The following XXYLT1 variants were observed in gnomAD, a reference collection of about 807,000 sequenced individuals.
The protein encoded by XXYLT1 is xyloside xylosyltransferase 1.
Under a neutral mutation model 28.9 loss-of-function variants are expected in XXYLT1, and 20 were observed. The ratio of observed to expected loss-of-function variants is 0.69; its 90% CI spans 0.49 to 1.00. The LOEUF (loss-of-function observed/expected upper bound fraction) is 1.00, where lower values mean the gene tolerates loss of function less well. Among genes scored for constraint, XXYLT1 ranks in the 50% least tolerant of loss-of-function variants. The pLI is 0.00. For missense variants in XXYLT1, 542 were observed against 560.1 expected, an observed-to-expected ratio of 0.97 and a Z score of 0.33; for synonymous variants, 257 against 253.8, an observed-to-expected ratio of 1.01 and a Z score of -0.12.
intron 3 of XXYLT1, among the ~76,000 whole-genome samples, chr3:195,086,247 T>G (rs1715721734): frequency 2.0e-5 from 3 of 152,224 alleles, no homozygotes; most frequent in African/African-American, 7.2e-5. Context: ...CAAAACAATC[T>G]GTCCTTCTGA....
intron 3 of XXYLT1, among the ~76,000 whole-genome samples, chr3:195,084,944 AGAAGCT>A (rs1188429045): frequency 6.6e-6 from 1 of 152,200 alleles, no homozygotes; most frequent in Non-Finnish European, 1.5e-5. Context: ...TGCCAGTTGC[AGAAGCT>A]GAGGGTAGGA....
chr3:195,164,337 G>T (rs917739034), intron 2 of XXYLT1, among the ~76,000 whole-genome samples: 3 of 152,174 alleles, frequency 2.0e-5, no homozygotes, highest in African/African-American at 7.2e-5. Flanking sequence ...CTGTGTTTCC[G>T]CATGGACTCT....
At chr3:195,246,780 G>A (rs370533895) in intron 1 of XXYLT1, among the ~76,000 whole-genome samples, 2 of 152,154 alleles carry the variant, frequency 1.3e-5, no homozygotes, top group African/African-American at 2.4e-5. Flanking sequence ...TCCAGACACC[G>A]TGACACAGGC....
intron 2 of XXYLT1, among the ~76,000 whole-genome samples, chr3:195,177,317 A>T (rs951797773): frequency 6.6e-6 from 1 of 152,212 alleles, no homozygotes; most frequent in Non-Finnish European, 1.5e-5. Flanking sequence ...CCAGAACAGG[A>T]TCTGAAGGAG....
intron 2 of XXYLT1, among the ~76,000 whole-genome samples, chr3:195,222,799 G>T (rs1053425260): frequency 6.6e-6 from 1 of 152,032 alleles, no homozygotes; most frequent in Non-Finnish European, 1.5e-5. Context: ...TTTCATGGGG[G>T]TTGAAATGAA....
chr3:195,201,015 C>T (rs76653555), intron 2 of XXYLT1, among the ~76,000 whole-genome samples: 1 of 152,104 alleles, frequency 6.6e-6, no homozygotes, highest in African/African-American at 2.4e-5. Context: ...CCTACGGAGT[C>T]AAAAATCTCT....
At chr3:195,181,071 G>A (rs926982863) in intron 2 of XXYLT1, among the ~76,000 whole-genome samples, 6 of 152,198 alleles carry the variant, frequency 3.9e-5, no homozygotes, top group African/African-American at 1.4e-4. Flanking sequence ...CCTGCGGCCA[G>A]GTGTGTAGCA....
chr3:195,247,393 CA>C (rs1725071142), intron 1 of XXYLT1, among the ~76,000 whole-genome samples: 1 of 152,252 alleles, frequency 6.6e-6, no homozygotes, highest in Non-Finnish European at 1.5e-5. Context: ...AAGAACACTG[CA>C]GTTTTACCAT....
intron 3 of XXYLT1, among the ~76,000 whole-genome samples, chr3:195,137,420 A>G (rs1236900700): frequency 1.3e-5 from 2 of 152,170 alleles, no homozygotes; most frequent in African/African-American, 4.8e-5. Context: ...CTTCTGCACC[A>G]TGGATAAGAG....
chr3:195,108,685 G>A (rs1209617284), intron 3 of XXYLT1, among the ~76,000 whole-genome samples: 1 of 152,188 alleles, frequency 6.6e-6, no homozygotes, highest in Non-Finnish European at 1.5e-5. Flanking sequence ...TTACTATACT[G>A]AATACTGTAG....
chr3:195,235,118 T>G (rs76248144), intron 1 of XXYLT1, among the ~76,000 whole-genome samples: 5,794 of 152,220 alleles, frequency 0.038, 158 homozygotes, highest in East Asian at 0.1. Flanking sequence ...CTTGCTTTCT[T>G]TTTTTGAGAC....
Position 195,074,909 on chromosome 3 carries a change from A to G in XXYLT1, c.786-4798T>C, listed in dbSNP as rs968045984. 2.0e-5 allele frequency among the ~76,000 whole-genome samples: 3 copies of G among 152,206 alleles called. No individual in the cohort carries two copies. The East Asian group carries it at 5.8e-4, about 29-fold the overall frequency. ...CCCTTATTAGGATCTCTTGATAACA[A>G]GACCTAAAGCAGGCTGAGGTCTCCA... On this transcript the variant is annotated intron_variant, in intron 3 of 3. Transcript: ENST00000310380.
chr3:195,200,431 G>A (rs1722803669), intron 2 of XXYLT1, among the ~76,000 whole-genome samples: 1 of 152,214 alleles, frequency 6.6e-6, no homozygotes, highest in African/African-American at 2.4e-5. Context: ...TAATAATAGT[G>A]GTGGTGGAAA....
chr3:195,125,059 G>T (rs934341725), intron 3 of XXYLT1, among the ~76,000 whole-genome samples: 1 of 152,150 alleles, frequency 6.6e-6, no homozygotes, highest in African/African-American at 2.4e-5. Flanking sequence ...AAAATGAAAG[G>T]CTTGATCCCC....
chr3:195,186,896 G>GTT (rs756410119), intron 2 of XXYLT1, among the ~76,000 whole-genome samples: 51 of 137,092 alleles, frequency 3.7e-4, no homozygotes, highest in Admixed American at 7.3e-4. Context: ...ACTGGCTGAA[G>GTT]TTTTTTTTTT....
chr3:195,158,121 GC>G (rs1335980996), intron 2 of XXYLT1, among the ~76,000 whole-genome samples: 1 of 152,180 alleles, frequency 6.6e-6, no homozygotes, highest in Non-Finnish European at 1.5e-5. Flanking sequence ...CATTTAGTCA[GC>G]CTGTCAATCA....
intron 2 of XXYLT1, among the ~76,000 whole-genome samples, chr3:195,179,881 C>T (rs1577115079): frequency 6.6e-6 from 1 of 152,218 alleles, no homozygotes; most frequent in Non-Finnish European, 1.5e-5. Flanking sequence ...ACCTGCCCTG[C>T]GTCGCCCATG....
At chr3:195,201,415 C>T (rs951744750) in intron 2 of XXYLT1, among the ~76,000 whole-genome samples, 7 of 152,228 alleles carry the variant, frequency 4.6e-5, no homozygotes, top group Non-Finnish European at 1.0e-4. Flanking sequence ...CCATCTCAAC[C>T]TCTGCCTTTA....
intron 2 of XXYLT1, among the ~76,000 whole-genome samples, chr3:195,157,205 T>C (rs142632615): frequency 0.035 from 4,574 of 128,980 alleles, 255 homozygotes; most frequent in African/African-American, 0.13. Context: ...ATCGCGCCAC[T>C]GCACTCCAGC....
Sources: allele counts gnomAD v4.1 joint callset (sites outside exome capture counted in the v4.1 genomes callset), GRCh38; gene constraint gnomAD v4.1.1; transcripts MANE v1.5; gene names NCBI Gene and HGNC (gene_info 2026-07-23, HGNC 2026-07-21).